The following PDE4D variants were observed in gnomAD, a reference collection of about 807,000 sequenced individuals.
The protein encoded by PDE4D is 3',5'-cyclic-AMP phosphodiesterase 4D.
In PDE4D, 24 loss-of-function variants were observed where a neutral mutation model predicts 87.4. The observed-to-expected ratio is 0.27, with a 90% CI of 0.20 to 0.39. The LOEUF is 0.39. Among genes scored for constraint, PDE4D ranks in the 10% least tolerant of loss-of-function variants. The pLI is 1.00. For synonymous variants in PDE4D, 384 were observed against 383.2 expected, an observed-to-expected ratio of 1.00 and a Z score of -0.02; for missense variants, 714 against 1,041.0, an observed-to-expected ratio of 0.69 and a Z score of 4.32.
chr5:59,355,064 T>C (rs915412077), intron 1 of PDE4D, among the ~76,000 whole-genome samples: 6 of 152,204 alleles, frequency 3.9e-5, no homozygotes, highest in African/African-American at 1.4e-4. Context: ...CTTAAACTTG[T>C]TACAAATGAA....
intron 1 of PDE4D, among the ~76,000 whole-genome samples, chr5:59,290,073 T>C (rs1005076416): frequency 1.3e-5 from 2 of 151,992 alleles, no homozygotes; most frequent in South Asian, 2.1e-4. Flanking sequence ...AGGATCAATA[T>C]TGTTAAAACG....
chr5:59,293,892 C>T (rs942342236), intron 1 of PDE4D, among the ~76,000 whole-genome samples: 4 of 152,152 alleles, frequency 2.6e-5, no homozygotes, highest in African/African-American at 9.7e-5. Context: ...TGAGTCATCT[C>T]TTCATACTCA....
In PDE4D at chr5:59,984,822, A is replaced by G. The variant is rs76372942; in HGVS notation, c.272+3666T>C. Among the ~76,000 whole-genome samples the G allele has an allele frequency of 3.4e-3, 518 of 152,272 alleles. 2 individuals carry two copies. The highest frequency in any genetic ancestry group is 4.7e-3 in the Non-Finnish European group (318 of 68,016). ...ACTTGACAAAGAAAGTATCTGGCAT[A>G]CTGATATGCCAGAAGAAAGAGCAAA... On this transcript the variant is annotated intron_variant, in intron 3 of 16. Transcript: ENST00000502484.
chr5:59,766,906 A>G (rs543533729), intron 1 of PDE4D, among the ~76,000 whole-genome samples: 1 of 152,276 alleles, frequency 6.6e-6, no homozygotes, highest in East Asian at 1.9e-4. Context: ...CATCTACCAA[A>G]CTCAGAAATG....
chr5:59,568,166 CAAACAAA>C (rs1821259445), intron 1 of PDE4D, among the ~76,000 whole-genome samples: 1 of 151,924 alleles, frequency 6.6e-6, no homozygotes, highest in Non-Finnish European at 1.5e-5. Flanking sequence ...CAAAACAAAA[CAAACAAA>C]AAACAGAAAA....
intron 1 of PDE4D, among the ~76,000 whole-genome samples, chr5:59,731,736 A>C (rs1757386345): frequency 6.6e-6 from 1 of 152,154 alleles, no homozygotes; most frequent in South Asian, 2.1e-4. Context: ...GTTTTGTTGG[A>C]GTTAATGTTT....
At chr5:60,340,275 T>C (rs1195076963) in intron 1 of PDE4D, among the ~76,000 whole-genome samples, 3 of 130,072 alleles carry the variant, frequency 2.3e-5, no homozygotes, top group African/African-American at 1.0e-4. Flanking sequence ...CTGTACAGCA[T>C]CCTATTTTTT....
chr5:59,944,289 A>G (rs890649255), intron 3 of PDE4D, among the ~76,000 whole-genome samples: 1 of 152,018 alleles, frequency 6.6e-6, no homozygotes, highest in African/African-American at 2.4e-5. Flanking sequence ...ATACTTTTCC[A>G]TCTGATAAAA....
At chr5:59,150,714 C>A (rs771566472) in intron 5 of PDE4D, among the ~76,000 whole-genome samples, 1 of 152,092 alleles carries the variant, frequency 6.6e-6, no homozygotes, top group Non-Finnish European at 1.5e-5. Flanking sequence ...AGCCAATAAT[C>A]TATAATATTT....
chr5:59,635,543 G>A (rs949155729), intron 1 of PDE4D, among the ~76,000 whole-genome samples: 8 of 152,142 alleles, frequency 5.3e-5, no homozygotes, highest in Admixed American at 4.6e-4. Context: ...TATCCACCAC[G>A]ATCAAGTCGG....
intron 5 of PDE4D, among the ~76,000 whole-genome samples, chr5:59,102,149 T>G (rs917102630): frequency 6.7e-6 from 1 of 149,338 alleles, no homozygotes; most frequent in Non-Finnish European, 1.5e-5. Context: ...TGCAATGGTA[T>G]GATCTCGGCT....
intron 1 of PDE4D, among the ~76,000 whole-genome samples, chr5:59,391,700 G>A (rs1028546411): frequency 1.3e-4 from 19 of 151,966 alleles, no homozygotes; most frequent in African/African-American, 4.6e-4. Flanking sequence ...TCTCCACTTT[G>A]CTACTTCACT....
At chr5:59,252,202 G>A (rs1269210638) in intron 1 of PDE4D, among the ~76,000 whole-genome samples, 1 of 152,036 alleles carries the variant, frequency 6.6e-6, no homozygotes. Flanking sequence ...CCTGTGAAAT[G>A]TTTACATATT....
intron 1 of PDE4D, among the ~76,000 whole-genome samples, chr5:59,324,773 C>T (rs1775346097): frequency 6.6e-6 from 1 of 152,084 alleles, no homozygotes; most frequent in African/African-American, 2.4e-5. Context: ...TTGGTTTAAG[C>T]CAGTTAAGTT....
At chr5:59,467,656 AT>A (rs1296040788) in intron 1 of PDE4D, among the ~76,000 whole-genome samples, 1 of 152,254 alleles carries the variant, frequency 6.6e-6, no homozygotes, top group East Asian at 1.9e-4. Flanking sequence ...CCACGGCCAT[AT>A]AAAAAAGGAC....
intron 1 of PDE4D, among the ~76,000 whole-genome samples, chr5:60,298,019 T>C (rs1224870366): frequency 1.3e-5 from 2 of 152,220 alleles, no homozygotes; most frequent in African/African-American, 4.8e-5. Flanking sequence ...AATTATCAAA[T>C]TCTTTTTGTA....
chr5:59,714,760 T>C (rs1754746611), intron 1 of PDE4D, among the ~76,000 whole-genome samples: 1 of 152,244 alleles, frequency 6.6e-6, no homozygotes, highest in Non-Finnish European at 1.5e-5. Flanking sequence ...TATGTCATGG[T>C]CTTATTGATA....
rs10069020 is a variant in PDE4D, at chr5:60,249,179, G to A, written c.-89-63492C>T. ...ACTCCCCAAAGAGGAAGTTGTCTAA[G>A]GGAGGTACAATGCTTTAGGGAGAAA... On this transcript the variant is annotated intron_variant, in intron 1 of 16. Transcript: ENST00000502484. Among the ~76,000 whole-genome samples, 563 of 152,148 alleles carry A rather than the reference G, an allele frequency of 3.7e-3. 2 individuals carry two copies. Among genetic ancestry groups the A allele is most frequent in the African/African-American group, 0.013 (533 of 41,546 alleles).
At chr5:59,883,191 C>CCTCA (rs1749696317) in intron 1 of PDE4D, among the ~76,000 whole-genome samples, 1 of 152,164 alleles carries the variant, frequency 6.6e-6, no homozygotes. Flanking sequence ...TTGAGGGCTA[C>CCTCA]AGTTACAGGA....
Sources: gnomAD v4.1 joint callset for allele counts (sites outside exome capture counted in the v4.1 genomes callset) on GRCh38, gnomAD v4.1.1 for gene constraint, MANE v1.5 for transcripts, NCBI Gene and HGNC (gene_info 2026-07-23, HGNC 2026-07-21) for gene names.